Variants in BCAS1 observed in about 807,000 individuals in gnomAD.
BCAS1 encodes brain enriched myelin associated protein 1.
A neutral mutation model predicts 65.4 loss-of-function variants in BCAS1; 46 were observed. That is an observed-to-expected ratio of 0.70 (90% CI 0.55 to 0.90). The LOEUF (loss-of-function observed/expected upper bound fraction) is 0.90, where lower values mean the gene tolerates loss of function less well. Among genes scored for constraint, BCAS1 ranks in the 40% least tolerant of loss-of-function variants. The probability of loss-of-function intolerance (pLI) is 0.00; values close to 1 mark genes in which losing one functional copy is unlikely to be tolerated. For missense variants in BCAS1, 793 were observed against 771.2 expected (o/e 1.03, Z -0.33); for synonymous variants, 298 against 293.5 (o/e 1.02, Z -0.16).
In BCAS1 at chr20:53,944,983, A is replaced by G; in HGVS notation, c.1829T>C (p.Met610Thr). The G allele has an allele frequency of 6.2e-7, 1 of 1,614,108 alleles. No homozygotes were observed. The highest frequency in any genetic ancestry group is 8.5e-7 in the Non-Finnish European group (1 of 1,180,006). The change falls in exon 13 of 13, where the codon ATG becomes ACG. Residue 610 changes from methionine (M) to threonine (T), a missense_variant. Coordinates refer to ENST00000688948, the MANE Select transcript of BCAS1 (RefSeq NM_001366298.2). Reference sequence around the variant, plus strand: ...GTCTGTTTGCACTTGAGCATCCAACATCCGCTTTGGTCCCTGGAGAAAAAC... The same window carrying G: ...GTCTGTTTGCACTTGAGCATCCAACGTCCGCTTTGGTCCCTGGAGAAAAAC... ...GFFKGLGPKRMLDAQVQTDPV... is the reference protein window; with the variant it reads ...GFFKGLGPKRTLDAQVQTDPV...
intron 4 of BCAS1, among the ~76,000 whole-genome samples, chr20:54,010,763 T>A (rs1468117971): frequency 6.6e-6 from 1 of 152,206 alleles, no homozygotes; most frequent in Admixed American, 6.5e-5. Context: ...AACATTTATA[T>A]GGAAAGACAA....
intron 12 of BCAS1, 120 bp downstream of exon 12, chr20:53,953,312 A>C: frequency 7.8e-7 from 1 of 1,274,644 alleles, no homozygotes; most frequent in Non-Finnish European, 1.1e-6. Context: ...AAAAACCCTG[A>C]GTGATAGACC....
chr20:53,955,324 C>G (rs533738598), intron 11 of BCAS1, among the ~76,000 whole-genome samples: 1 of 152,322 alleles, frequency 6.6e-6, no homozygotes, highest in East Asian at 1.9e-4. Flanking sequence ...GTCTTGAACA[C>G]TTCTGGCAGA....
At chr20:53,964,214 G>A (rs568481578) in intron 10 of BCAS1, among the ~76,000 whole-genome samples, 3 of 152,282 alleles carry the variant, frequency 2.0e-5, no homozygotes, top group South Asian at 2.1e-4. Context: ...AGAATCAGGC[G>A]GTTCTCTATC....
chr20:53,948,783 T>A (rs2089416880), intron 12 of BCAS1, among the ~76,000 whole-genome samples: 2 of 152,156 alleles, frequency 1.3e-5, no homozygotes, highest in African/African-American at 4.8e-5. Flanking sequence ...AAACTGAGGC[T>A]CCAAGATGAC....
At position 53,985,288 on chromosome 20, in the gene BCAS1, T is replaced by A. The variant is rs145027818; in HGVS notation, c.1274A>T (p.Lys425Met). The A allele has an allele frequency of 6.2e-7, 1 of 1,612,704 alleles. No homozygotes were observed. Among genetic ancestry groups the A allele is most frequent in the African/African-American group, 1.3e-5 (1 of 74,874 alleles). The part of the protein sequence containing the change: ...SLPLGKLFWK[K>M]SVKEDSVPTG... Reference sequence around the variant, plus strand: ...CTAACGCTTGAAAATCAGACTTACCTTTTTCCAAAACAGTTTGCCCAGAGG... The same window carrying A: ...CTAACGCTTGAAAATCAGACTTACCATTTTCCAAAACAGTTTGCCCAGAGG... The change falls in exon 8 of 13, where the codon AAG becomes ATG. Residue 425 changes from lysine (K) to methionine (M), a missense_variant and splice_region_variant. Coordinates refer to ENST00000688948, the MANE Select transcript of BCAS1 (RefSeq NM_001366298.2).
chr20:54,036,759 C>T (rs2091906619), intron 3 of BCAS1, among the ~76,000 whole-genome samples: 1 of 151,244 alleles, frequency 6.6e-6, no homozygotes, highest in South Asian at 2.1e-4. Context: ...AATATAATTA[C>T]CATTTTGTAT....
At chr20:54,053,590 T>C (rs1419187912) in intron 3 of BCAS1, among the ~76,000 whole-genome samples, 3 of 152,282 alleles carry the variant, frequency 2.0e-5, no homozygotes, top group Non-Finnish European at 4.4e-5. Context: ...GCAGTCTTTA[T>C]GTCAATTGAC....
intron 10 of BCAS1, among the ~76,000 whole-genome samples, chr20:53,960,810 A>G (rs2089856513): frequency 6.6e-6 from 1 of 152,162 alleles, no homozygotes; most frequent in Non-Finnish European, 1.5e-5. Flanking sequence ...TCTGTATTCA[A>G]AGGAACCATA....
At chr20:53,950,479 C>CA (rs34116063) in intron 12 of BCAS1, among the ~76,000 whole-genome samples, 2 of 152,048 alleles carry the variant, frequency 1.3e-5, no homozygotes, top group African/African-American at 4.8e-5. Flanking sequence ...CACACCCCCC[C>CA]ATCCATACTC....
At chr20:54,064,488 C>T (rs543797728) in intron 1 of BCAS1, among the ~76,000 whole-genome samples, 2 of 152,208 alleles carry the variant, frequency 1.3e-5, no homozygotes, top group African/African-American at 2.4e-5. Flanking sequence ...CGCACTGTTT[C>T]GTGAGCTTGC....
At position 53,944,646 on chromosome 20, in the gene BCAS1, C is replaced by T; in HGVS notation, c.*276G>A. On this transcript the variant is annotated 3_prime_UTR_variant, in exon 13 of 13. Coordinates refer to ENST00000688948, the MANE Select transcript of BCAS1 (RefSeq NM_001366298.2). ...TTCATCACTTAACCCGAACACATTC[C>T]TCTATTCCCTCCCTTTCCTGCTTGG... The T allele has an allele frequency of 7.4e-6, 3 of 406,340 alleles. No individual in the cohort carries two copies. The South Asian group carries it at 7.5e-5, about 10-fold the overall frequency. The allele number at this position is 406,340 out of a possible 1,614,324, so 25.2% of individuals were successfully genotyped here. A position where few individuals can be genotyped will look rare whatever the true frequency, so the allele number is the denominator to read the frequency against.
intron 4 of BCAS1, among the ~76,000 whole-genome samples, chr20:54,022,711 A>G (rs1600899809): frequency 6.6e-6 from 1 of 152,210 alleles, no homozygotes; most frequent in Non-Finnish European, 1.5e-5. Flanking sequence ...TTTTTTTAAC[A>G]ATAAAAACAG....
intron 4 of BCAS1, among the ~76,000 whole-genome samples, chr20:54,026,645 C>A (rs184729294): frequency 6.6e-6 from 1 of 152,296 alleles, no homozygotes; most frequent in Non-Finnish European, 1.5e-5. Context: ...AAATCACAAC[C>A]TCAAAATGGC....
chr20:54,068,748 C>T (rs957716370), intron 1 of BCAS1, among the ~76,000 whole-genome samples: 61 of 152,132 alleles, frequency 4.0e-4, no homozygotes, highest in African/African-American at 1.4e-3. Context: ...GTGACTCAGG[C>T]ACTCAAATCC....
chr20:54,030,003 A>G (rs2091765405), intron 3 of BCAS1, among the ~76,000 whole-genome samples: 1 of 152,214 alleles, frequency 6.6e-6, no homozygotes, highest in Non-Finnish European at 1.5e-5. Flanking sequence ...ATTAGACCTC[A>G]GGCCAGTGTG....
intron 8 of BCAS1, among the ~76,000 whole-genome samples, chr20:53,976,859 G>A (rs1350071458): frequency 2.0e-5 from 3 of 152,160 alleles, no homozygotes; most frequent in African/African-American, 7.2e-5. Context: ...AAAAGAGATT[G>A]CTGAATTTCT....
At position 53,957,461 on chromosome 20, in the gene BCAS1, C is replaced by A; in HGVS notation, c.1522G>T (p.Glu508Ter). 1.9e-6 allele frequency: 3 copies of A among 1,614,112 alleles called. No homozygotes were observed. The African/African-American group carries it at 4.0e-5, about 22-fold the overall frequency. ...KGDGGITHSE[E>*]INGKDSSCQT... ...CAGCTGGAGTCTTTCCCATTTATTT[C>A]TTCTGAGTGGGTGATCCCTCCATCC... The change falls in exon 11 of 13, where the codon GAA becomes TAA. Residue 508 changes from glutamate to a stop codon, truncating the protein, a stop_gained. Coordinates refer to ENST00000688948, the MANE Select transcript of BCAS1 (RefSeq NM_001366298.2). LOFTEE classifies it high-confidence loss of function.
rs2092503647 is a variant in BCAS1 at position 54,070,594 on chromosome 20, C to T, written c.-167G>A. On this transcript the variant is annotated 5_prime_UTR_variant, in exon 1 of 13. Coordinates refer to ENST00000688948, the MANE Select transcript of BCAS1 (RefSeq NM_001366298.2). ...TTGTGCAGAGCCTGCTGGCTGAATA[C>T]ACAGAGCAGGGCAAACACAAGCCTG... 6.6e-6 allele frequency: 1 copy of T among 152,510 alleles called. No homozygotes were observed. The highest frequency in any genetic ancestry group is 2.4e-5 in the African/African-American group (1 of 41,454). 9.4% of individuals were successfully genotyped at this position (152,510 alleles called of 1,614,324 possible). A position where few individuals can be genotyped will look rare whatever the true frequency, so the allele number is the denominator to read the frequency against.
Sources: allele counts gnomAD v4.1 joint callset (sites outside exome capture counted in the v4.1 genomes callset), GRCh38; gene constraint gnomAD v4.1.1; transcripts MANE v1.5; gene names NCBI Gene and HGNC (gene_info 2026-07-23, HGNC 2026-07-21).